The following ATRNL1 variants were observed in gnomAD, a reference collection of about 807,000 sequenced individuals.
ATRNL1 encodes the protein attractin like 1.
Under a neutral mutation model 182.7 loss-of-function variants are expected in ATRNL1, and 95 were observed. The observed-to-expected ratio is 0.52, with a 90% CI of 0.44 to 0.62. ATRNL1 has a LOEUF of 0.62. Ranked by LOEUF, ATRNL1 falls within the 20% of genes least tolerant of loss-of-function variation. The probability of loss-of-function intolerance (pLI) is 0.00; values close to 1 mark genes in which losing one functional copy is unlikely to be tolerated. For synonymous variants in ATRNL1, 576 were observed against 568.3 expected (o/e 1.01, Z -0.19); for missense variants, 1,471 against 1,679.5 (o/e 0.88, Z 2.17).
intron 19 of ATRNL1, among the ~76,000 whole-genome samples, chr10:115,364,762 C>T (rs1180097869): frequency 1.3e-5 from 2 of 151,956 alleles, no homozygotes; most frequent in Non-Finnish European, 2.9e-5. Flanking sequence ...GCTTTTTCTG[C>T]ATCTATTGAG....
Position 115,377,706 on chromosome 10 carries a change from T to A in ATRNL1, c.3176-16953T>A, listed in dbSNP as rs556313228. ...AAATTTGACAGTCTGTATATGTCTT[T>A]ATAAGTCCTTCTCCTGTTGGGTCCT... On this transcript the variant is annotated intron_variant, in intron 19 of 28. Transcript: ENST00000355044. Among the ~76,000 whole-genome samples, 8 of 152,312 alleles carry A rather than the reference T, an allele frequency of 5.3e-5. No homozygotes were observed. In the East Asian group the frequency reaches 1.5e-3, roughly 29 times the overall value.
Position 115,387,689 on chromosome 10 carries a change from A to T in ATRNL1, c.3176-6970A>T, listed in dbSNP as rs113667594. On this transcript the variant is annotated intron_variant, in intron 19 of 28. Transcript: ENST00000355044. ...GCTCCTATAAATTGAATCATGTAATATGTAATCTTTTGTGTTTGGCTTTTT... is the reference window on the plus strand; with the variant it reads ...GCTCCTATAAATTGAATCATGTAATTTGTAATCTTTTGTGTTTGGCTTTTT... Among the ~76,000 whole-genome samples the T allele has an allele frequency of 5.2e-3, 799 of 152,312 alleles. 7 individuals carry two copies. The highest frequency in any genetic ancestry group is 0.017 in the African/African-American group (709 of 41,574).
At chr10:115,224,101 A>AT (rs1324050412) in intron 9 of ATRNL1, among the ~76,000 whole-genome samples, 7 of 150,146 alleles carry the variant, frequency 4.7e-5, no homozygotes, top group African/African-American at 1.2e-4. Context: ...ACGCCTGGCA[A>AT]TTTTTTTGTA....
chr10:115,660,788 T>G (rs74158212), intron 26 of ATRNL1, among the ~76,000 whole-genome samples: 1,770 of 152,136 alleles, frequency 0.012, 36 homozygotes, highest in African/African-American at 0.04. Context: ...AGAAAGGATT[T>G]TAGTTTTGGT....
intron 19 of ATRNL1, among the ~76,000 whole-genome samples, chr10:115,364,625 T>C (rs1416102771): frequency 4.0e-5 from 6 of 150,718 alleles, no homozygotes; most frequent in East Asian, 1.9e-4. Flanking sequence ...CTTCCAGTTA[T>C]TGCCCATTCA....
intron 27 of ATRNL1, among the ~76,000 whole-genome samples, chr10:115,771,390 C>G (rs1465153267): frequency 6.6e-6 from 1 of 152,128 alleles, no homozygotes; most frequent in Non-Finnish European, 1.5e-5. Context: ...GCCACCACAC[C>G]TGGCTAATTT....
chr10:115,534,350 A>G (rs1851816181), intron 25 of ATRNL1, among the ~76,000 whole-genome samples: 1 of 152,050 alleles, frequency 6.6e-6, no homozygotes, highest in Non-Finnish European at 1.5e-5. Flanking sequence ...TCCCTTTACC[A>G]TTATGTAATG....
chr10:115,887,771 C>T (rs1450748162), intron 28 of ATRNL1, among the ~76,000 whole-genome samples: 2 of 151,720 alleles, frequency 1.3e-5, no homozygotes, highest in South Asian at 4.2e-4. Context: ...TCTACTTTAC[C>T]CCCCATATCT....
rs782309252 is a variant in ATRNL1 at position 115,462,036 on chromosome 10, G to A, written c.3417+1G>A. On this transcript the variant is annotated splice_donor_variant, in intron 22 of 28. Coordinates refer to ENST00000355044, the MANE Select transcript of ATRNL1 (RefSeq NM_207303.4). LOFTEE classifies it high-confidence loss of function. ...AAACTTTATAGCAAACCCAGAACAGGTGAGGAAAAATTGTTATCTTTTAAA... is the reference window on the plus strand; with the variant it reads ...AAACTTTATAGCAAACCCAGAACAGATGAGGAAAAATTGTTATCTTTTAAA... 1.3e-6 allele frequency: 2 copies of A among 1,592,556 alleles called. No individual in the cohort carries two copies. The highest frequency in any genetic ancestry group is 1.7e-6 in the Non-Finnish European group (2 of 1,168,566).
chr10:115,420,106 C>T (rs1446484163), intron 20 of ATRNL1, among the ~76,000 whole-genome samples: 5 of 144,360 alleles, frequency 3.5e-5, no homozygotes, highest in Admixed American at 1.4e-4. Flanking sequence ...TGCAATGGTG[C>T]TATCTCGGCT....
chr10:115,882,289 C>T (rs989908326), intron 28 of ATRNL1, among the ~76,000 whole-genome samples: 5 of 152,118 alleles, frequency 3.3e-5, no homozygotes, highest in Non-Finnish European at 7.3e-5. Flanking sequence ...AGGGGTGTGG[C>T]GGGCTTTGGG....
chr10:115,097,326 A>G (rs1403874138), intron 1 of ATRNL1, among the ~76,000 whole-genome samples: 2 of 152,130 alleles, frequency 1.3e-5, no homozygotes, highest in Non-Finnish European at 2.9e-5. Flanking sequence ...TCTACAAAAA[A>G]TATTTTAAAA....
chr10:115,123,321 C>T (rs1257593200), intron 3 of ATRNL1, among the ~76,000 whole-genome samples: 1 of 152,070 alleles, frequency 6.6e-6, no homozygotes, highest in Admixed American at 6.6e-5. Flanking sequence ...ACTATTATCC[C>T]CATTTTACAG....
chr10:115,690,040 C>G (rs2255909), intron 26 of ATRNL1, among the ~76,000 whole-genome samples: 1 of 152,056 alleles, frequency 6.6e-6, no homozygotes, highest in East Asian at 1.9e-4. Context: ...GGATCTCACT[C>G]TCTGCTTGCA....
Position 115,932,452 on chromosome 10 carries a change from G to C in ATRNL1, c.4019-12206G>C, listed in dbSNP as rs74794645. Among the ~76,000 whole-genome samples the C allele has an allele frequency of 4.1e-3, 631 of 152,258 alleles. 7 individuals carry two copies. Among genetic ancestry groups the C allele is most frequent in the African/African-American group, 0.014 (583 of 41,546 alleles). ...AATGCCTTTGGCCATTACATTATCT[G>C]TAATAACTTTCAGTAAGGTCTAAGC... is the stretch of plus-strand genomic sequence containing the variant. On this transcript the variant is annotated intron_variant, in intron 28 of 28. Coordinates refer to ENST00000355044, the MANE Select transcript of ATRNL1 (RefSeq NM_207303.4).
At chr10:115,656,576 G>A (rs1860347794) in intron 26 of ATRNL1, among the ~76,000 whole-genome samples, 1 of 152,148 alleles carries the variant, frequency 6.6e-6, no homozygotes, top group African/African-American at 2.4e-5. Context: ...AGGTGGATAG[G>A]TTCTGGCCAC....
intron 14 of ATRNL1, among the ~76,000 whole-genome samples, chr10:115,283,144 T>C (rs10787558): frequency 0.21 from 32,081 of 152,116 alleles, 4,293 homozygotes; most frequent in Non-Finnish European, 0.3. Context: ...TCAGGTACGG[T>C]GTCTCACACC....
intron 28 of ATRNL1, among the ~76,000 whole-genome samples, chr10:115,928,802 G>A (rs1565495113): frequency 6.6e-6 from 1 of 151,926 alleles, no homozygotes; most frequent in Non-Finnish European, 1.5e-5. Context: ...TGGTTCATAG[G>A]ACTTAATCAG....
chr10:115,158,911 G>C (rs1157994901), intron 5 of ATRNL1, among the ~76,000 whole-genome samples: 1 of 151,746 alleles, frequency 6.6e-6, no homozygotes, highest in Non-Finnish European at 1.5e-5. Flanking sequence ...CAACTAAAGT[G>C]TACTAATACT....
Sources: allele counts gnomAD v4.1 joint callset (sites outside exome capture counted in the v4.1 genomes callset), GRCh38; gene constraint gnomAD v4.1.1; transcripts MANE v1.5; gene names NCBI Gene and HGNC (gene_info 2026-07-23, HGNC 2026-07-21).